PRKG1: variants seen among roughly 807,000 people sequenced by gnomAD.
The protein encoded by PRKG1 is protein kinase cGMP-dependent 1, also known as cGMP-dependent protein kinase 1.
PRKG1 carries 35 observed loss-of-function variants against 88.1 expected under a neutral mutation model. The ratio of observed to expected loss-of-function variants is 0.40; its 90% confidence interval spans 0.30 to 0.53. The LOEUF is 0.53. Ranked by LOEUF, PRKG1 falls within the 20% of genes least tolerant of loss-of-function variation. The pLI, the probability that PRKG1 is intolerant of heterozygous loss-of-function variation, is 0.59. For missense variants in PRKG1, 540 were observed against 839.8 expected (o/e 0.64, Z 4.41); for synonymous variants, 303 against 292.5 (o/e 1.04, Z -0.37).
intron 3 of PRKG1, among the ~76,000 whole-genome samples, chr10:51,793,028 T>C (rs201023059): frequency 2.7e-5 from 4 of 150,272 alleles, no homozygotes; most frequent in East Asian, 2.0e-4. Context: ...AATCATGGCA[T>C]TATTAAGTGA....
intron 1 of PRKG1, among the ~76,000 whole-genome samples, chr10:51,108,355 T>G (rs1407452260): frequency 2.6e-5 from 4 of 151,862 alleles, no homozygotes; most frequent in Admixed American, 2.6e-4. Flanking sequence ...TCTAGCAAAT[T>G]TTAGCAAATA....
At chr10:52,263,412 C>A (rs58198087) in intron 10 of PRKG1, among the ~76,000 whole-genome samples, 17,995 of 151,984 alleles carry the variant, frequency 0.12, 1,807 homozygotes, top group African/African-American at 0.27. Context: ...TTAACAACTT[C>A]ATTGAGGTAT....
chr10:51,661,926 A>G (rs2132332012), intron 3 of PRKG1, among the ~76,000 whole-genome samples: 1 of 152,304 alleles, frequency 6.6e-6, no homozygotes, highest in South Asian at 2.1e-4. Context: ...CATCCTTTGT[A>G]GGGACATGGA....
intron 2 of PRKG1, among the ~76,000 whole-genome samples, chr10:51,392,920 A>C (rs1588909475): frequency 5.2e-5 from 3 of 57,814 alleles, no homozygotes; most frequent in African/African-American, 1.0e-4. Flanking sequence ...GACCACCCCC[A>C]CCTCCCTCCC....
chr10:51,605,403 C>T (rs7078670), intron 3 of PRKG1, among the ~76,000 whole-genome samples: 32,021 of 152,132 alleles, frequency 0.21, 3,648 homozygotes, highest in Middle Eastern at 0.27. Flanking sequence ...GCCCCACTCT[C>T]GTATCACTGT....
intron 3 of PRKG1, among the ~76,000 whole-genome samples, chr10:51,494,890 T>A (rs1840808991): frequency 6.6e-6 from 1 of 152,220 alleles, no homozygotes; most frequent in Non-Finnish European, 1.5e-5. Flanking sequence ...TCTAGAAGAA[T>A]AAGCACATTA....
chr10:51,317,606 G>T (rs1448748627), intron 2 of PRKG1, among the ~76,000 whole-genome samples: 1 of 152,122 alleles, frequency 6.6e-6, no homozygotes, highest in East Asian at 1.9e-4. Flanking sequence ...AGTGTAAAGA[G>T]CCCAGAGTAA....
chr10:51,291,605 T>C (rs1840584586), intron 2 of PRKG1, among the ~76,000 whole-genome samples: 1 of 152,110 alleles, frequency 6.6e-6, no homozygotes, highest in Admixed American at 6.6e-5. Flanking sequence ...CAATCACCGC[T>C]GAAGCCCTGA....
At chr10:51,903,187 G>A (rs1842017180) in intron 4 of PRKG1, among the ~76,000 whole-genome samples, 1 of 152,096 alleles carries the variant, frequency 6.6e-6, no homozygotes, top group Non-Finnish European at 1.5e-5. Flanking sequence ...TGGGAGGGTT[G>A]TCGTAAAATG....
chr10:52,217,799 C>T (rs1840148364), intron 9 of PRKG1, among the ~76,000 whole-genome samples: 1 of 152,172 alleles, frequency 6.6e-6, no homozygotes, highest in African/African-American at 2.4e-5. Flanking sequence ...TTAATAATGA[C>T]ACTGTGGCTA....
chr10:52,001,821 C>T (rs936662840), intron 5 of PRKG1, among the ~76,000 whole-genome samples: 9 of 152,080 alleles, frequency 5.9e-5, no homozygotes, highest in Non-Finnish European at 8.8e-5. Context: ...TGATTCTTAA[C>T]GTATGGAATT....
At chr10:51,746,836 C>T (rs977753616) in intron 3 of PRKG1, among the ~76,000 whole-genome samples, 2 of 152,142 alleles carry the variant, frequency 1.3e-5, no homozygotes, top group Admixed American at 1.3e-4. Context: ...GCAGTCATTC[C>T]TCTTCCTCTC....
At chr10:51,682,141 C>T (rs1840866649) in intron 3 of PRKG1, among the ~76,000 whole-genome samples, 3 of 152,156 alleles carry the variant, frequency 2.0e-5, no homozygotes, top group African/African-American at 7.2e-5. Flanking sequence ...TTTTCTAAAA[C>T]AGGATTTCAG....
intron 2 of PRKG1, among the ~76,000 whole-genome samples, chr10:51,321,077 A>AG (rs1554794627): frequency 6.6e-6 from 1 of 151,414 alleles, no homozygotes; most frequent in Non-Finnish European, 1.5e-5. Context: ...TTAAAAAAAA[A>AG]TTTTGTTTAA....
chr10:51,389,793 T>C (rs763227358), intron 2 of PRKG1, among the ~76,000 whole-genome samples: 7 of 152,096 alleles, frequency 4.6e-5, no homozygotes, highest in Non-Finnish European at 8.8e-5. Flanking sequence ...AACAAGAACA[T>C]CTTGGAACTA....
intron 2 of PRKG1, among the ~76,000 whole-genome samples, chr10:51,269,947 AG>A (rs1336433769): frequency 6.6e-6 from 1 of 152,244 alleles, no homozygotes; most frequent in African/African-American, 2.4e-5. Context: ...AGTTTGGATC[AG>A]GGCTTTCCAA....
At chr10:51,419,442 T>C (rs1020926240) in intron 2 of PRKG1, among the ~76,000 whole-genome samples, 7 of 152,178 alleles carry the variant, frequency 4.6e-5, no homozygotes, top group Non-Finnish European at 7.4e-5. Context: ...ATTATTATTA[T>C]TGCATTTCAA....
chr10:52,153,231 A>G (rs1296551966), intron 8 of PRKG1, among the ~76,000 whole-genome samples: 1 of 152,228 alleles, frequency 6.6e-6, no homozygotes, highest in African/African-American at 2.4e-5. Flanking sequence ...GAAAAAAAGC[A>G]TAGAAATAAA....
chr10:52,249,702 A>T (rs896633479), intron 9 of PRKG1, among the ~76,000 whole-genome samples: 9 of 152,134 alleles, frequency 5.9e-5, no homozygotes, highest in Admixed American at 4.6e-4. Context: ...GCACACGTGT[A>T]ATCCCAGCTA....
Sources: gnomAD v4.1 joint callset for allele counts (sites outside exome capture counted in the v4.1 genomes callset) on GRCh38, gnomAD v4.1.1 for gene constraint, MANE v1.5 for transcripts, NCBI Gene and HGNC (gene_info 2026-07-23, HGNC 2026-07-21) for gene names.